The following MYRF variants were observed in gnomAD, a reference collection of about 807,000 sequenced individuals.
The protein encoded by MYRF is myelin gene regulatory factor.
In MYRF, 16 loss-of-function variants were observed where a neutral mutation model predicts 126.3. That is an observed-to-expected ratio of 0.13 (90% CI 0.09 to 0.19). The LOEUF is 0.19. MYRF is among the 10% of genes least tolerant of loss of function. The pLI, the probability that MYRF is intolerant of heterozygous loss-of-function variation, is 1.00. For missense variants in MYRF, 1,104 were observed against 1,547.0 expected (o/e 0.71, Z 4.80); for synonymous variants, 608 against 635.3 (o/e 0.96, Z 0.65).
At chr11:61,784,724 G>A in intron 25 of MYRF, 1 of 237,396 alleles carries the variant, frequency 4.2e-6, no homozygotes, top group Non-Finnish European at 8.3e-6. Flanking sequence ...GGAGGTGTCT[G>A]CAGAAGCAGG....
In MYRF at chr11:61,757,654, C is replaced by A. The variant is rs2065797232; in HGVS notation, c.46+4864C>A. On this transcript the variant is annotated intron_variant, in intron 1 of 26. Coordinates refer to ENST00000278836, the MANE Select transcript of MYRF (RefSeq NM_001127392.3). This position sits in a 1 kb window ranked among gnomAD's most constrained non-coding sequence, Gnocchi z 4.7. ...CCAGTGGGGCCCGCCCCACCTCCCC[C>A]TCTGAGATTTGGGTTCTGTTCTTGC... 2.3e-6 allele frequency: 1 copy of A among 425,782 alleles called. No individual in the cohort carries two copies. The highest frequency in any genetic ancestry group is 4.7e-6 in the Non-Finnish European group (1 of 210,694). 26.4% of individuals were successfully genotyped at this position (425,782 alleles called of 1,614,324 possible). A position where few individuals can be genotyped will look rare whatever the true frequency, so the allele number is the denominator to read the frequency against.
At position 61,777,818 on chromosome 11, in the gene MYRF, G is replaced by A; in HGVS notation, c.1876G>A (p.Gly626Ser). 6.4e-7 allele frequency: 1 copy of A among 1,552,336 alleles called. No individual in the cohort carries two copies. Among genetic ancestry groups the A allele is most frequent in the Non-Finnish European group, 8.7e-7 (1 of 1,147,564 alleles). The change falls in exon 13 of 27, where the codon GGC (glycine) becomes AGC (serine). Residue 626 changes from glycine to serine, a missense_variant. Transcript: ENST00000278836. This position sits in a 1 kb window ranked among gnomAD's most constrained non-coding sequence, Gnocchi z 8.8. ...CAAGCCCGAGTTCGCCGCCAGCGCG[G>A]GCATCGAGGCCACCGCGCCAGAGAC... ...RYKPEFAASA[G>S]IEATAPETGV...
chr11:61,758,877 G>A (rs2065831707), intron 1 of MYRF, among the ~76,000 whole-genome samples: 2 of 152,246 alleles, frequency 1.3e-5, no homozygotes, highest in Admixed American at 6.5e-5. Context: ...GTAAATAACT[G>A]CTGAATGAAT....
intron 14 of MYRF, 128 bp from the exon 15 acceptor site, chr11:61,779,135 G>C (rs2066470765): frequency 9.7e-7 from 1 of 1,032,576 alleles, no homozygotes; most frequent in Non-Finnish European, 1.4e-6. Flanking sequence ...GGGAGACTTT[G>C]AGGGCCTCCC....
intron 1 of MYRF, chr11:61,755,316 G>T: frequency 1.3e-6 from 2 of 1,527,070 alleles, no homozygotes; most frequent in Non-Finnish European, 1.8e-6. Flanking sequence ...CCCCCTCGAG[G>T]CTGGTACAGC....
At chr11:61,758,101 G>A (rs2065808000) in intron 1 of MYRF, among the ~76,000 whole-genome samples, 1 of 151,270 alleles carries the variant, frequency 6.6e-6, no homozygotes, top group Middle Eastern at 3.4e-3. Context: ...GAGGGGGGGA[G>A]GGGCAAAGCC....
chr11:61,778,575 G>A lies in MYRF; in HGVS notation c.2013+86G>A. The A allele has an allele frequency of 2.0e-6, 2 of 979,102 alleles. No individual in the cohort carries two copies. Among genetic ancestry groups the A allele is most frequent in the Non-Finnish European group, 3.3e-6 (2 of 609,024 alleles). 60.7% of individuals were successfully genotyped at this position (979,102 alleles called of 1,614,324 possible). On this transcript the variant is annotated intron_variant, in intron 14 of 26. Coordinates refer to ENST00000278836, the MANE Select transcript of MYRF (RefSeq NM_001127392.3). This position sits in a 1 kb window ranked among gnomAD's most constrained non-coding sequence, Gnocchi z 4.6. ...CTCATCACCTCCATAGATACTGGGG[G>A]CACTGCAAAGCAGAGGCAGGAGCAC...
intron 1 of MYRF, chr11:61,755,632 C>T (rs1003413141): frequency 1.6e-5 from 12 of 747,954 alleles, no homozygotes; most frequent in South Asian, 1.2e-4. Flanking sequence ...CCTTTTTCCT[C>T]ACCTGCAAGA....
chr11:61,753,896 C>T (rs556055287), intron 1 of MYRF: 7 of 152,420 alleles, frequency 4.6e-5, no homozygotes, highest in South Asian at 2.1e-4. Context: ...CAGCCCACTC[C>T]GCTTCTCAGA....
chr11:61,775,738 A>G (rs977156613), intron 8 of MYRF, among the ~76,000 whole-genome samples: 27 of 149,106 alleles, frequency 1.8e-4, no homozygotes, highest in Non-Finnish European at 3.9e-4. Context: ...GTGTGAGTGC[A>G]TACATGCAGA....
Position 61,781,557 on chromosome 11 carries a change from C to T in MYRF, c.2765-16C>T. 6 of 1,610,478 alleles carry T rather than the reference C, an allele frequency of 3.7e-6. No homozygotes were observed. The highest frequency in any genetic ancestry group is 5.1e-6 in the Non-Finnish European group (6 of 1,178,446). The stretch of plus-strand genomic sequence containing the variant: ...CAGCTTCCAGCTTCTTAGCCTGTGC[C>T]TGGTTCTATCCACAGGCCCCAGCCA... On this transcript the variant is annotated splice_polypyrimidine_tract_variant and intron_variant, in intron 21 of 26. Coordinates refer to ENST00000278836, the MANE Select transcript of MYRF (RefSeq NM_001127392.3).
At chr11:61,754,191 C>T (rs2065681179) in intron 1 of MYRF, 1 of 152,422 alleles carries the variant, frequency 6.6e-6, no homozygotes, top group Non-Finnish European at 1.5e-5. Context: ...GAGGCAGGAA[C>T]CCTTGTTCAC....
In MYRF at chr11:61,776,441, G is replaced by A. The variant is rs1193019301; in HGVS notation, c.1499+9G>A. 2.5e-6 allele frequency: 4 copies of A among 1,608,860 alleles called. No individual in the cohort carries two copies. Among genetic ancestry groups the A allele is most frequent in the Non-Finnish European group, 3.4e-6 (4 of 1,177,752 alleles). On this transcript the variant is annotated intron_variant, in intron 10 of 26. Coordinates refer to ENST00000278836, the MANE Select transcript of MYRF (RefSeq NM_001127392.3). The surrounding 1 kb of genome is among the most constrained non-coding windows in gnomAD (Gnocchi z 4.3). ...CCCAACCCGGACCAGAGGTGAGCAG[G>A]TGGGGGCCCTGCCCCGGAGCCCCTC...
At position 61,781,302 on chromosome 11, in the gene MYRF, A is replaced by C. The variant is rs201220229; in HGVS notation, c.2737A>C (p.Ser913Arg). ...SFNPGHVLSP[S>R]PSPSTNRSGP... ...TAACCCTGGCCATGTTCTCAGCCCA[A>C]GTCCCAGCCCCAGCACCAACCGCTC... is the stretch of plus-strand genomic sequence containing the variant. The change falls in exon 21 of 27, where the codon AGT (serine) becomes CGT (arginine). Residue 913 changes from serine to arginine, a missense_variant. By Grantham distance (110) the Ser-to-Arg change is moderately radical. Coordinates refer to ENST00000278836, the MANE Select transcript of MYRF (RefSeq NM_001127392.3). 96 of 1,614,108 alleles carry C rather than the reference A, an allele frequency of 5.9e-5. No individual in the cohort carries two copies. The highest frequency in any genetic ancestry group is 8.0e-5 in the Non-Finnish European group (94 of 1,180,030).
intron 1 of MYRF, among the ~76,000 whole-genome samples, chr11:61,753,721 C>A (rs887139840): frequency 6.6e-6 from 1 of 152,132 alleles, no homozygotes; most frequent in Non-Finnish European, 1.5e-5. Context: ...TCTGCCCCCA[C>A]CCCTACATTG....
intron 1 of MYRF, 99 bp downstream of exon 1, chr11:61,752,889 C>G: frequency 8.5e-7 from 1 of 1,180,588 alleles, no homozygotes; most frequent in Non-Finnish European, 1.1e-6. Flanking sequence ...TCCGCCTCCT[C>G]TGGCTGGGAC....
intron 1 of MYRF, chr11:61,755,527 G>A (rs2065727233): frequency 2.0e-6 from 3 of 1,508,356 alleles, no homozygotes; most frequent in Non-Finnish European, 2.7e-6. Flanking sequence ...ATCCTGCCAG[G>A]ACCTCAGAGT....
At chr11:61,763,736 G>A (rs939756591) in intron 1 of MYRF, among the ~76,000 whole-genome samples, 9 of 152,082 alleles carry the variant, frequency 5.9e-5, no homozygotes, top group African/African-American at 2.2e-4. Context: ...GTGGTGGCGG[G>A]CGCCTGTAAT....
At position 61,783,475 on chromosome 11, in the gene MYRF, T is replaced by C. The variant is rs376128056; in HGVS notation, c.3017-23T>C. ...AGCTTCTCATTTGTGTCCTGCCTTGTCACCTTACTCCTGCCCCAACAGCCT... is the reference window on the plus strand; with the variant it reads ...AGCTTCTCATTTGTGTCCTGCCTTGCCACCTTACTCCTGCCCCAACAGCCT... On this transcript the variant is annotated intron_variant, in intron 22 of 26. Transcript: ENST00000278836. The surrounding 1 kb of genome is among the most constrained non-coding windows in gnomAD (Gnocchi z 4.6). 4.7e-5 allele frequency: 75 copies of C among 1,591,084 alleles called. No individual in the cohort carries two copies. The highest frequency in any genetic ancestry group is 5.9e-5 in the Non-Finnish European group (69 of 1,160,714).
Sources: allele counts gnomAD v4.1 joint callset (sites outside exome capture counted in the v4.1 genomes callset), GRCh38; gene constraint gnomAD v4.1.1; non-coding constraint Gnocchi (gnomAD v3.1); transcripts MANE v1.5; gene names NCBI Gene and HGNC (gene_info 2026-07-23, HGNC 2026-07-21).